Variants in TTLL5 observed in about 807,000 individuals in gnomAD.
TTLL5 encodes tubulin tyrosine ligase like 5.
In TTLL5, 132 loss-of-function variants were observed where a neutral mutation model predicts 168.4. That is an observed-to-expected ratio of 0.78 (90% CI 0.68 to 0.91). The LOEUF (loss-of-function observed/expected upper bound fraction) is 0.91, where lower values mean the gene tolerates loss of function less well. TTLL5 is among the 40% of genes least tolerant of loss of function. The pLI is 0.00. For synonymous variants in TTLL5, 546 were observed against 558.6 expected, an observed-to-expected ratio of 0.98 and a Z score of 0.32; for missense variants, 1,545 against 1,581.5, an observed-to-expected ratio of 0.98 and a Z score of 0.39.
chr14:75,743,575 C>CTTTTTTT (rs33959405), intron 15 of TTLL5, among the ~76,000 whole-genome samples: 24 of 63,110 alleles, frequency 3.8e-4, no homozygotes, highest in African/African-American at 6.2e-4. Context: ...TGGCATCGCT[C>CTTTTTTT]TTTTTTTTTT....
intron 17 of TTLL5, among the ~76,000 whole-genome samples, chr14:75,746,301 T>G (rs967997901): frequency 2.6e-5 from 4 of 152,252 alleles, no homozygotes; most frequent in Non-Finnish European, 4.4e-5. Context: ...ATTTGTTGAA[T>G]ATACCAGAAT....
At position 75,863,934 on chromosome 14, in the gene TTLL5, A is replaced by AAAAAAAAAAAAAG. The variant is rs869255321; in HGVS notation, c.3522+72_3522+73insAAAAAAAAAAAAG. On this transcript the variant is annotated intron_variant, in intron 29 of 31. Coordinates refer to ENST00000298832, the MANE Select transcript of TTLL5 (RefSeq NM_015072.5). Reference sequence around the variant, plus strand: ...GGTAAAAAAAAAAAAAAAAAAAAAAAGGTCAGTGAATGAGAAATGTAGGAT... The same window carrying AAAAAAAAAAAAAG: ...GGTAAAAAAAAAAAAAAAAAAAAAAAAAAAAAAAAAAAGGGTCAGTGAATGAGAAATGTAGGAT... 6 of 1,267,078 alleles carry AAAAAAAAAAAAAG rather than the reference A, an allele frequency of 4.7e-6. No homozygotes were observed. The African/African-American group carries it at 9.6e-5, about 20-fold the overall frequency. 78.5% of individuals were successfully genotyped at this position (1,267,078 alleles called of 1,614,324 possible). A position where few individuals can be genotyped will look rare whatever the true frequency, so the allele number is the denominator to read the frequency against.
intron 13 of TTLL5, 77 bp downstream of exon 13, chr14:75,732,496 C>A: frequency 8.0e-7 from 1 of 1,247,262 alleles, no homozygotes; most frequent in Non-Finnish European, 1.1e-6. Flanking sequence ...TTGATCATTT[C>A]TCTTGGCACT....
At chr14:75,746,283 A>G (rs1889605074) in intron 17 of TTLL5, among the ~76,000 whole-genome samples, 2 of 152,232 alleles carry the variant, frequency 1.3e-5, no homozygotes, top group South Asian at 4.1e-4. Context: ...TTGTTTGAAT[A>G]TACCAGAATT....
chr14:75,936,225 T>C (rs1566668205), intron 31 of TTLL5, among the ~76,000 whole-genome samples: 2 of 152,254 alleles, frequency 1.3e-5, no homozygotes, highest in Non-Finnish European at 2.9e-5. Context: ...TGGAGACTTA[T>C]ATTCCTTCTT....
chr14:75,662,600 A>T (rs577353055), intron 1 of TTLL5, among the ~76,000 whole-genome samples: 47 of 151,892 alleles, frequency 3.1e-4, no homozygotes, highest in Admixed American at 1.1e-3. Flanking sequence ...TGGCCTCCCA[A>T]AGTACTGGGA....
At chr14:75,727,184 T>C (rs1231359188) in intron 12 of TTLL5, among the ~76,000 whole-genome samples, 1 of 152,220 alleles carries the variant, frequency 6.6e-6, no homozygotes, top group East Asian at 1.9e-4. Context: ...GTCCCACTCA[T>C]AGGTATTTTC....
chr14:75,816,953 C>T (rs1894448082), intron 27 of TTLL5, among the ~76,000 whole-genome samples: 1 of 147,414 alleles, frequency 6.8e-6, no homozygotes, highest in South Asian at 2.2e-4. Flanking sequence ...CCATAATTTG[C>T]TACTATATCT....
intron 31 of TTLL5, among the ~76,000 whole-genome samples, chr14:75,924,292 T>G (rs1247886509): frequency 1.3e-5 from 2 of 151,698 alleles, no homozygotes; most frequent in African/African-American, 2.4e-5. Flanking sequence ...TTTGCCTGTT[T>G]TTTTTTTTTT....
At chr14:75,747,536 A>ATT (rs750667885) in intron 17 of TTLL5, among the ~76,000 whole-genome samples, 9 of 140,712 alleles carry the variant, frequency 6.4e-5, no homozygotes, top group African/African-American at 1.6e-4. Flanking sequence ...ACCCTTTTGA[A>ATT]TTTTTTTTTT....
intron 31 of TTLL5, among the ~76,000 whole-genome samples, chr14:75,948,119 A>T (rs548278902): frequency 6.6e-6 from 1 of 152,074 alleles, no homozygotes. Flanking sequence ...TTCCTTGACC[A>T]TAACGCAATA....
chr14:75,786,445 T>G (rs1892370269), intron 26 of TTLL5, among the ~76,000 whole-genome samples: 1 of 152,214 alleles, frequency 6.6e-6, no homozygotes, highest in Non-Finnish European at 1.5e-5. Context: ...TATAAATATA[T>G]TGTTTAATTT....
chr14:75,848,617 A>G (rs1274520578), intron 28 of TTLL5, among the ~76,000 whole-genome samples: 1 of 152,196 alleles, frequency 6.6e-6, no homozygotes, highest in Non-Finnish European at 1.5e-5. Context: ...TTTTTAGTTC[A>G]CAGCTACATT....
chr14:75,715,244 C>G (rs1237276230), intron 9 of TTLL5, among the ~76,000 whole-genome samples: 1 of 151,296 alleles, frequency 6.6e-6, no homozygotes, highest in African/African-American at 2.4e-5. Context: ...GGCTGACTTC[C>G]CACCCTACTC....
intron 27 of TTLL5, among the ~76,000 whole-genome samples, chr14:75,811,153 A>G (rs192606682): frequency 1.5e-4 from 18 of 118,094 alleles, no homozygotes; most frequent in South Asian, 3.1e-4. Context: ...GAATGAAAGA[A>G]AGAGTGTGTG....
intron 21 of TTLL5, among the ~76,000 whole-genome samples, chr14:75,773,109 A>G (rs2140311382): frequency 6.6e-6 from 1 of 152,332 alleles, no homozygotes; most frequent in Non-Finnish European, 1.5e-5. Flanking sequence ...TCTTTATGCC[A>G]GGCTTATTGT....
intron 28 of TTLL5, among the ~76,000 whole-genome samples, chr14:75,859,804 C>T (rs1411650030): frequency 6.6e-6 from 1 of 152,088 alleles, no homozygotes; most frequent in Non-Finnish European, 1.5e-5. Context: ...AAGGAAAGGC[C>T]AAGTTATGGT....
At chr14:75,914,997 A>G (rs2033563487) in intron 31 of TTLL5, among the ~76,000 whole-genome samples, 1 of 152,244 alleles carries the variant, frequency 6.6e-6, no homozygotes. Context: ...GGTAGATTTC[A>G]GTATGAAGAT....
chr14:75,838,627 G>A (rs1312622922), intron 28 of TTLL5: 1 of 152,332 alleles, frequency 6.6e-6, no homozygotes, highest in African/African-American at 2.4e-5. Flanking sequence ...GTTGCTCAGA[G>A]GGTGGTGCAA....
Sources: gnomAD v4.1 joint callset for allele counts (sites outside exome capture counted in the v4.1 genomes callset) on GRCh38, gnomAD v4.1.1 for gene constraint, MANE v1.5 for transcripts, NCBI Gene and HGNC (gene_info 2026-07-23, HGNC 2026-07-21) for gene names.